Variants in HS3ST4 observed in about 807,000 individuals in gnomAD.
The protein encoded by HS3ST4 is heparan sulfate glucosamine 3-O-sulfotransferase 4.
In HS3ST4, 17 loss-of-function variants were observed where a neutral mutation model predicts 29.2. That is an observed-to-expected ratio of 0.58 (90% CI 0.40 to 0.87). The LOEUF is 0.87. HS3ST4 is among the 40% of genes least tolerant of loss of function. The pLI, the probability that HS3ST4 is intolerant of heterozygous loss-of-function variation, is 0.00. For synonymous variants in HS3ST4, 314 were observed against 285.7 expected (o/e 1.10, Z -1.00); for missense variants, 627 against 634.5 (o/e 0.99, Z 0.13).
intron 1 of HS3ST4, among the ~76,000 whole-genome samples, chr16:25,903,302 G>GTGTATA (rs151301516): frequency 1.4e-4 from 15 of 103,482 alleles, no homozygotes; most frequent in African/African-American, 5.7e-4. Context: ...GTGTGTGTGT[G>GTGTATA]TATGTATATG....
chr16:25,698,248 A>G (rs1441093854), intron 1 of HS3ST4, among the ~76,000 whole-genome samples: 1 of 152,142 alleles, frequency 6.6e-6, no homozygotes, highest in Non-Finnish European at 1.5e-5. Flanking sequence ...AGTTATATTA[A>G]GTAGAATGAT....
intron 1 of HS3ST4, among the ~76,000 whole-genome samples, chr16:25,964,711 T>C (rs1968827050): frequency 6.6e-6 from 1 of 152,216 alleles, no homozygotes; most frequent in Non-Finnish European, 1.5e-5. Context: ...ACAATGATTC[T>C]TGTATATTTT....
intron 1 of HS3ST4, among the ~76,000 whole-genome samples, chr16:25,896,137 C>A (rs1310361448): frequency 2.6e-5 from 4 of 152,208 alleles, no homozygotes. Flanking sequence ...CTGACTCCAG[C>A]TCTGTTGTTT....
chr16:25,774,496 G>A (rs1204549554), intron 1 of HS3ST4, among the ~76,000 whole-genome samples: 1 of 152,208 alleles, frequency 6.6e-6, no homozygotes, highest in Middle Eastern at 3.2e-3. Context: ...CAGCAATGGT[G>A]GTTTAGACCA....
At chr16:25,750,831 A>C (rs994917713) in intron 1 of HS3ST4, among the ~76,000 whole-genome samples, 1 of 151,730 alleles carries the variant, frequency 6.6e-6, no homozygotes, top group Admixed American at 6.6e-5. Context: ...TTTCCCTTCT[A>C]CTTCTTTCTT....
rs371953587 is a variant in HS3ST4 at position 25,978,311 on chromosome 16, A to T, written c.735-157301A>T. 2.6e-5 allele frequency among the ~76,000 whole-genome samples: 4 copies of T among 152,342 alleles called. No homozygotes were observed. In the East Asian group the frequency reaches 7.7e-4, roughly 29 times the overall value. On this transcript the variant is annotated intron_variant, in intron 1 of 1. Coordinates refer to ENST00000331351, the MANE Select transcript of HS3ST4 (RefSeq NM_006040.3). The stretch of plus-strand genomic sequence containing the variant: ...CATTTTCTAGAGCAAGGGCCAGCAA[A>T]CTTACTTTCTGTAAAGGATCCAAGA...
intron 1 of HS3ST4, among the ~76,000 whole-genome samples, chr16:25,941,966 T>A (rs995820533): frequency 6.6e-6 from 1 of 152,210 alleles, no homozygotes; most frequent in African/African-American, 2.4e-5. Context: ...TCCTCAGTTA[T>A]GACGCATGAT....
chr16:26,128,829 A>G (rs761967797), intron 1 of HS3ST4, among the ~76,000 whole-genome samples: 7 of 152,118 alleles, frequency 4.6e-5, no homozygotes, highest in Non-Finnish European at 8.8e-5. Context: ...CAGGTGCTCC[A>G]TTGAATTTTG....
intron 1 of HS3ST4, among the ~76,000 whole-genome samples, chr16:25,986,270 C>G (rs1969062244): frequency 6.6e-6 from 1 of 152,136 alleles, no homozygotes; most frequent in Admixed American, 6.5e-5. Context: ...TTATTACTGC[C>G]ATATCCCCAG....
In HS3ST4 at chr16:26,001,620, C is replaced by T. The variant is rs1454287326; in HGVS notation, c.735-133992C>T. ...GAAAGACACTGCAATTAATATAAGT[C>T]GTCCCTGATTCAGAAAGAATTGAAT... On this transcript the variant is annotated intron_variant, in intron 1 of 1. Coordinates refer to ENST00000331351, the MANE Select transcript of HS3ST4 (RefSeq NM_006040.3). Among the ~76,000 whole-genome samples the T allele has an allele frequency of 3.3e-5, 5 of 152,050 alleles. No individual in the cohort carries two copies. The East Asian group carries it at 7.7e-4, about 23-fold the overall frequency.
At position 26,085,748 on chromosome 16, in the gene HS3ST4, C is replaced by T. The variant is rs908163263; in HGVS notation, c.735-49864C>T. ...AATTAGCTGTGCATGGTGATGTGCA[C>T]CTATAGTCTCAGCTACTTGAGAGGT... On this transcript the variant is annotated intron_variant, in intron 1 of 1. Transcript: ENST00000331351. Among the ~76,000 whole-genome samples the T allele has an allele frequency of 4.0e-5, 6 of 151,792 alleles. 1 individual carries two copies. In the South Asian group the frequency reaches 8.3e-4, roughly 21 times the overall value.
intron 1 of HS3ST4, among the ~76,000 whole-genome samples, chr16:25,866,834 C>A (rs4238925): frequency 0.27 from 40,969 of 151,956 alleles, 6,031 homozygotes; most frequent in East Asian, 0.45. Context: ...AATTAAAAAA[C>A]AGAAACATTT....
intron 1 of HS3ST4, among the ~76,000 whole-genome samples, chr16:26,036,459 A>G (rs1181900675): frequency 6.6e-6 from 1 of 152,176 alleles, no homozygotes; most frequent in Non-Finnish European, 1.5e-5. Flanking sequence ...CTTGCCTGAA[A>G]TTGAGCTCAT....
intron 1 of HS3ST4, among the ~76,000 whole-genome samples, chr16:25,996,584 A>G (rs1969160942): frequency 6.6e-6 from 1 of 152,152 alleles, no homozygotes; most frequent in Non-Finnish European, 1.5e-5. Flanking sequence ...CAATTGTCTT[A>G]TATTATGCAA....
chr16:25,770,028 C>A (rs1024037050), intron 1 of HS3ST4, among the ~76,000 whole-genome samples: 1 of 152,164 alleles, frequency 6.6e-6, no homozygotes, highest in African/African-American at 2.4e-5. Context: ...GTGCAAAATG[C>A]AGACTAGGAT....
At chr16:25,721,136 G>A (rs1966490259) in intron 1 of HS3ST4, among the ~76,000 whole-genome samples, 1 of 152,240 alleles carries the variant, frequency 6.6e-6, no homozygotes, top group African/African-American at 2.4e-5. Flanking sequence ...CTAAGAGTTA[G>A]TAGTGAGGGA....
chr16:25,855,710 C>T (rs1312680732), intron 1 of HS3ST4, among the ~76,000 whole-genome samples: 3 of 152,066 alleles, frequency 2.0e-5, no homozygotes, highest in Non-Finnish European at 4.4e-5. Context: ...TCAGGTTACT[C>T]TGGGCTGCTC....
chr16:25,846,617 T>C (rs910214832), intron 1 of HS3ST4, among the ~76,000 whole-genome samples: 1 of 152,124 alleles, frequency 6.6e-6, no homozygotes, highest in Non-Finnish European at 1.5e-5. Context: ...CCCACAGATA[T>C]TTACATCTTG....
At chr16:25,717,407 T>G (rs1183941070) in intron 1 of HS3ST4, among the ~76,000 whole-genome samples, 1 of 152,086 alleles carries the variant, frequency 6.6e-6, no homozygotes, top group Admixed American at 6.6e-5. Context: ...GGCTGCAATT[T>G]GAGCATATTT....
Sources: gnomAD v4.1 joint callset for allele counts (sites outside exome capture counted in the v4.1 genomes callset) on GRCh38, gnomAD v4.1.1 for gene constraint, MANE v1.5 for transcripts, NCBI Gene and HGNC (gene_info 2026-07-23, HGNC 2026-07-21) for gene names.